The following FBXL14 variants were observed in gnomAD, a reference collection of about 807,000 sequenced individuals.
The protein encoded by FBXL14 is F-box and leucine rich repeat protein 14.
In FBXL14, 11 loss-of-function variants were observed where a neutral mutation model predicts 24.5. The observed-to-expected ratio is 0.45, with a 90% confidence interval of 0.28 to 0.74. The LOEUF is 0.74. Among genes scored for constraint, FBXL14 ranks in the 30% least tolerant of loss-of-function variants. The pLI is 0.12. For missense variants in FBXL14, 384 were observed against 545.6 expected (o/e 0.70, Z 2.95); for synonymous variants, 294 against 240.4 (o/e 1.22, Z -2.06).
intron 1 of FBXL14, among the ~76,000 whole-genome samples, chr12:1,568,441 A>G (rs2094439776): frequency 6.6e-6 from 1 of 152,254 alleles, no homozygotes; most frequent in Non-Finnish European, 1.5e-5. Flanking sequence ...AAAATGCTAT[A>G]GGTCAGAAAC....
intron 1 of FBXL14, among the ~76,000 whole-genome samples, chr12:1,585,354 T>C (rs1271647285): frequency 1.3e-5 from 2 of 149,982 alleles, no homozygotes; most frequent in Admixed American, 1.3e-4. Context: ...GCCAAGATTG[T>C]GCCACTGTAC....
Position 1,584,385 on chromosome 12 carries a change from T to C in FBXL14, c.1194+8488A>G, listed in dbSNP as rs554163915. 3.3e-5 allele frequency among the ~76,000 whole-genome samples: 5 copies of C among 152,332 alleles called. No individual in the cohort carries two copies. In the East Asian group the frequency reaches 9.6e-4, roughly 29 times the overall value. ...ATAAAGCAGGGATGAAGCTGTTTGC[T>C]GCTAAATCCTGTGTCCTACGTTAAT... On this transcript the variant is annotated intron_variant, in intron 1 of 1. Transcript: ENST00000339235.
intron 1 of FBXL14, among the ~76,000 whole-genome samples, chr12:1,582,128 AAAGGAAGG>A (rs113876889): frequency 0.19 from 28,755 of 147,786 alleles, 5,077 homozygotes; most frequent in African/African-American, 0.48. Context: ...TGTCGAAAGA[AAAGGAAGG>A]AAGGAAGGAA....
intron 1 of FBXL14, among the ~76,000 whole-genome samples, chr12:1,572,510 C>T (rs918559721): frequency 1.3e-5 from 2 of 152,240 alleles, no homozygotes; most frequent in African/African-American, 2.4e-5. Context: ...AGGTCTGAGT[C>T]CATATGCTAG....
At position 1,567,886 on chromosome 12, in the gene FBXL14, C is replaced by T. The variant is rs749438743; in HGVS notation, c.1195-1076G>A. Among the ~76,000 whole-genome samples, 5 of 152,296 alleles carry T rather than the reference C, an allele frequency of 3.3e-5. No individual in the cohort carries two copies. The highest frequency in any genetic ancestry group is 7.2e-5 in the African/African-American group (3 of 41,572). ...AAAAGAAAACCCACCCACACGCACA[C>T]GCGCGCACACACGTGCGCACACACA... On this transcript the variant is annotated intron_variant, in intron 1 of 1. Transcript: ENST00000339235. This position sits in a 1 kb window ranked among gnomAD's most constrained non-coding sequence, Gnocchi z 4.8.
At chr12:1,580,573 A>C (rs1267284349) in intron 1 of FBXL14, among the ~76,000 whole-genome samples, 1 of 151,980 alleles carries the variant, frequency 6.6e-6, no homozygotes, top group Non-Finnish European at 1.5e-5. Context: ...TTCTCTAGTA[A>C]TCCCTTAAAA....
At chr12:1,573,426 A>G (rs1336079244) in intron 1 of FBXL14, among the ~76,000 whole-genome samples, 1 of 152,214 alleles carries the variant, frequency 6.6e-6, no homozygotes, top group Non-Finnish European at 1.5e-5. Context: ...GGTGCCTCGT[A>G]GAAGCTCAGC....
At chr12:1,592,829 A>G in intron 1 of FBXL14, 44 bp downstream of exon 1, 1 of 1,497,276 alleles carries the variant, frequency 6.7e-7, no homozygotes, top group Non-Finnish European at 9.0e-7. Context: ...GGGAGGATGA[A>G]CAGGGCGGGA....
Position 1,583,310 on chromosome 12 carries a change from A to C in FBXL14, c.1194+9563T>G, listed in dbSNP as rs553005073. 1.9e-3 allele frequency among the ~76,000 whole-genome samples: 282 copies of C among 152,060 alleles called. 1 individual carries two copies. Among genetic ancestry groups the C allele is most frequent in the Non-Finnish European group, 3.1e-3 (213 of 67,994 alleles). On this transcript the variant is annotated intron_variant, in intron 1 of 1. Transcript: ENST00000339235. ...AAATTTTTCCCATTTTCTTCCTCCC[A>C]AACTCCCCAGATATGGCAATCTAAG...
chr12:1,577,440 G>T (rs1322885211), intron 1 of FBXL14, among the ~76,000 whole-genome samples: 2 of 151,476 alleles, frequency 1.3e-5, no homozygotes, highest in Non-Finnish European at 2.9e-5. Context: ...AAAAAAAAAA[G>T]GACTTATGTA....
chr12:1,576,090 C>G (rs1436730303), intron 1 of FBXL14, among the ~76,000 whole-genome samples: 6 of 152,170 alleles, frequency 3.9e-5, no homozygotes, highest in Non-Finnish European at 8.8e-5. Flanking sequence ...TAAATATTTC[C>G]TTTTCTTCCC....
chr12:1,588,414 G>T (rs1283177399), intron 1 of FBXL14, among the ~76,000 whole-genome samples: 1 of 152,124 alleles, frequency 6.6e-6, no homozygotes, highest in Non-Finnish European at 1.5e-5. Flanking sequence ...AGGAACGTTT[G>T]CTTTTTTACA....
At chr12:1,584,772 T>G (rs999571835) in intron 1 of FBXL14, among the ~76,000 whole-genome samples, 10 of 152,252 alleles carry the variant, frequency 6.6e-5, no homozygotes, top group Non-Finnish European at 1.3e-4. Flanking sequence ...ATTGTCACTT[T>G]CATCTTGTCA....
At chr12:1,572,215 T>A (rs2094446647) in intron 1 of FBXL14, among the ~76,000 whole-genome samples, 1 of 152,204 alleles carries the variant, frequency 6.6e-6, no homozygotes, top group Non-Finnish European at 1.5e-5. Context: ...AAGCTAGTGT[T>A]GACAGAGGGA....
intron 1 of FBXL14, among the ~76,000 whole-genome samples, chr12:1,576,782 G>A (rs987864436): frequency 1.3e-5 from 2 of 152,152 alleles, no homozygotes; most frequent in Non-Finnish European, 2.9e-5. Context: ...CCAGCCCTTG[G>A]CGGGGGACTC....
chr12:1,586,150 A>C (rs748168592), intron 1 of FBXL14, among the ~76,000 whole-genome samples: 18 of 151,080 alleles, frequency 1.2e-4, no homozygotes, highest in Non-Finnish European at 2.2e-4. Context: ...AAGGTAGTGC[A>C]TATTAAATAG....
In FBXL14 at chr12:1,572,285, C is replaced by T. The variant is rs79798596; in HGVS notation, c.1195-5475G>A. Among the ~76,000 whole-genome samples the T allele has an allele frequency of 8.6e-3, 1,311 of 152,340 alleles. 5 individuals carry two copies. Among genetic ancestry groups the T allele is most frequent in the Non-Finnish European group, 0.015 (1,003 of 68,040 alleles). On this transcript the variant is annotated intron_variant, in intron 1 of 1. Coordinates refer to ENST00000339235, the MANE Select transcript of FBXL14 (RefSeq NM_152441.3). The stretch of plus-strand genomic sequence containing the variant: ...TACAACAAACTGCACTCAAAGTGCA[C>T]GATACGGTGTGTTTTGACAGATGCA...
intron 1 of FBXL14, among the ~76,000 whole-genome samples, chr12:1,586,893 T>A (rs1023070573): frequency 6.6e-6 from 1 of 152,216 alleles, no homozygotes; most frequent in African/African-American, 2.4e-5. Context: ...CTATCACAAA[T>A]GCAAGTATCC....
chr12:1,568,620 T>G (rs1475082069), intron 1 of FBXL14, among the ~76,000 whole-genome samples: 1 of 152,142 alleles, frequency 6.6e-6, no homozygotes, highest in African/African-American at 2.4e-5. Flanking sequence ...GACAACAATA[T>G]TACAAGGGAT....
Sources: allele counts gnomAD v4.1 joint callset (sites outside exome capture counted in the v4.1 genomes callset), GRCh38; gene constraint gnomAD v4.1.1; non-coding constraint Gnocchi (gnomAD v3.1); transcripts MANE v1.5; gene names NCBI Gene and HGNC (gene_info 2026-07-23, HGNC 2026-07-21).